The following MMRN2 variants were observed in gnomAD, a reference collection of about 807,000 sequenced individuals.
MMRN2 encodes the protein multimerin 2.
MMRN2 carries 53 observed loss-of-function variants against 68.8 expected under a neutral mutation model. That is an observed-to-expected ratio of 0.77 (90% CI 0.62 to 0.97). MMRN2 has a LOEUF of 0.97. Ranked by LOEUF, MMRN2 falls within the 50% of genes least tolerant of loss-of-function variation. The probability of loss-of-function intolerance (pLI) is 0.00; values close to 1 mark genes in which losing one functional copy is unlikely to be tolerated. For synonymous variants in MMRN2, 564 were observed against 551.6 expected (o/e 1.02, Z -0.32); for missense variants, 1,266 against 1,259.5 (o/e 1.01, Z -0.08).
rs768843742 is a variant in MMRN2 at position 86,943,210 on chromosome 10, C to T, written c.1574G>A (p.Arg525Gln). The change falls in exon 6 of 7, where the codon CGG becomes CAG. Residue 525 changes from arginine (R) to glutamine (Q), a missense_variant. Arg to Gln is a conservative substitution (Grantham distance 43). Transcript: ENST00000372027. This position sits in a 1 kb window ranked among gnomAD's most constrained non-coding sequence, Gnocchi z 4.2. ...CAGGGAGGAGCCGTCCAGCTGCCGCCGCTCGTCCAGGCTCACCTGGGTCTC... is the reference window on the plus strand; with the variant it reads ...CAGGGAGGAGCCGTCCAGCTGCCGCTGCTCGTCCAGGCTCACCTGGGTCTC... ...LEETQVSLDE[R>Q]RQLDGSSLQA... 25 of 1,609,744 alleles carry T rather than the reference C, an allele frequency of 1.6e-5. No individual in the cohort carries two copies. Among genetic ancestry groups the T allele is most frequent in the Admixed American group, 6.7e-5 (4 of 59,922 alleles).
intron 4 of MMRN2, 139 bp from the exon 5 acceptor site, chr10:86,944,574 T>C (rs1419371535): frequency 1.1e-6 from 1 of 915,848 alleles, no homozygotes; most frequent in Admixed American, 2.8e-5. Context: ...TTAGAAGCCT[T>C]AAACCCCTGG....
intron 1 of MMRN2, among the ~76,000 whole-genome samples, chr10:86,954,822 C>G (rs115391658): frequency 1.1e-5 from 1 of 92,114 alleles, no homozygotes; most frequent in Non-Finnish European, 2.2e-5. Flanking sequence ...GCTCTGTGCC[C>G]GGCAGGGGTC....
At chr10:86,944,543 T>C (rs1354926834) in intron 4 of MMRN2, 108 bp from the exon 5 acceptor site, 1 of 1,231,792 alleles carries the variant, frequency 8.1e-7, no homozygotes, top group South Asian at 1.3e-5. Context: ...AGTTAGCTGC[T>C]GATGTCCTCT....
intron 6 of MMRN2, among the ~76,000 whole-genome samples, chr10:86,938,578 C>A (rs921715192): frequency 6.6e-6 from 1 of 152,220 alleles, no homozygotes; most frequent in African/African-American, 2.4e-5. Flanking sequence ...TGGGTCCTGG[C>A]TGTGACACTG....
intron 4 of MMRN2, 144 bp downstream of exon 4, chr10:86,945,044 G>T: frequency 1.5e-6 from 1 of 685,368 alleles, no homozygotes; most frequent in Non-Finnish European, 2.4e-6. Context: ...AAGGTGGGAG[G>T]TGGTACAGGC....
intron 1 of MMRN2, chr10:86,948,801 A>T (rs1041746039): frequency 3.3e-5 from 5 of 152,196 alleles, no homozygotes; most frequent in African/African-American, 1.2e-4. Context: ...CAAAAAAATT[A>T]AAAAATTAGC....
chr10:86,955,518 T>C (rs937763710), intron 1 of MMRN2, among the ~76,000 whole-genome samples: 3 of 152,112 alleles, frequency 2.0e-5, no homozygotes, highest in African/African-American at 7.2e-5. Context: ...TGGAAACAGA[T>C]GTAAGTGGCA....
intron 4 of MMRN2, 140 bp from the exon 5 acceptor site, chr10:86,944,575 A>G: frequency 1.1e-6 from 1 of 898,900 alleles, no homozygotes; most frequent in Non-Finnish European, 1.7e-6. Context: ...TAGAAGCCTT[A>G]AACCCCTGGA....
intron 6 of MMRN2, among the ~76,000 whole-genome samples, chr10:86,941,909 C>A (rs1843976313): frequency 6.6e-6 from 1 of 151,210 alleles, no homozygotes; most frequent in Admixed American, 6.6e-5. Flanking sequence ...AGTCCCTATC[C>A]ACATTCTTCC....
At position 86,943,038 on chromosome 10, in the gene MMRN2, C is replaced by T. The variant is rs1270601866; in HGVS notation, c.1746G>A (p.Ala582=). Residue 582 remains alanine (A), a synonymous_variant, in exon 6 of 7, where the codon GCG becomes GCA. Coordinates refer to ENST00000372027, the MANE Select transcript of MMRN2 (RefSeq NM_024756.3). The surrounding 1 kb of genome is among the most constrained non-coding windows in gnomAD (Gnocchi z 4.2). ...GGCGCACCTCGTGGCGGGCCTCGGC[C>T]GCGGCCGCCTTCAGCGCGCCCACCT... The part of the protein sequence containing the change: ...DDEVGALKAA[A]AEARHEVRQL... 3.7e-6 allele frequency: 5 copies of T among 1,353,512 alleles called. No individual in the cohort carries two copies. Among genetic ancestry groups the T allele is most frequent in the Non-Finnish European group, 4.7e-6 (5 of 1,056,012 alleles). 83.8% of individuals were successfully genotyped at this position (1,353,512 alleles called of 1,614,324 possible).
chr10:86,956,675 A>C (rs1242611003), intron 1 of MMRN2, among the ~76,000 whole-genome samples: 1 of 152,148 alleles, frequency 6.6e-6, no homozygotes. Flanking sequence ...TGTTGGAGGG[A>C]TGAACTGAGA....
At chr10:86,945,516 G>A (rs767512070) in intron 2 of MMRN2, 40 bp from the exon 3 acceptor site, 18 of 1,560,332 alleles carry the variant, frequency 1.2e-5, no homozygotes, top group Non-Finnish European at 1.6e-5. Flanking sequence ...TTCCAGGGAG[G>A]GCCCGCTCCA....
Position 86,943,019 on chromosome 10 carries a change from C to A in MMRN2, c.1765G>T (p.Val589Leu). The change falls in exon 6 of 7, where the codon GTG becomes TTG. Residue 589 changes from valine to leucine, a missense_variant. Transcript: ENST00000372027. The surrounding 1 kb of genome is among the most constrained non-coding windows in gnomAD (Gnocchi z 4.2). ...GCGAAGGCGCTGTGCAGCTGGCGCA[C>A]CTCGTGGCGGGCCTCGGCCGCGGCC... ...KAAAAEARHE[V>L]RQLHSAFAAL... 1 of 1,375,106 alleles carries A rather than the reference C, an allele frequency of 7.3e-7. No individual in the cohort carries two copies. The highest frequency in any genetic ancestry group is 9.4e-7 in the Non-Finnish European group (1 of 1,065,296). The allele number at this position is 1,375,106 out of a possible 1,614,324, so 85.2% of individuals were successfully genotyped here.
chr10:86,942,602 C>A lies in MMRN2; in HGVS notation c.2182G>T (p.Ala728Ser), dbSNP rs200709835. 29 of 1,608,076 alleles carry A rather than the reference C, an allele frequency of 1.8e-5. No individual in the cohort carries two copies. The African/African-American group carries it at 3.5e-4, about 19-fold the overall frequency. The change falls in exon 6 of 7, where the codon GCC (alanine) becomes TCC (serine). Residue 728 changes from alanine to serine, a missense_variant. Physicochemically the swap from Ala to Ser is moderately conservative, Grantham distance 99 (BLOSUM62 1). Transcript: ENST00000372027. ...EAGAGAASLN[A>S]SLHGLHNALF... ...GCGTTGTGGAGGCCGTGAAGGGAGG[C>A]GTTGAGGGAGGCGGCCCCGGCCCCG... is the stretch of plus-strand genomic sequence containing the variant.
intron 1 of MMRN2, among the ~76,000 whole-genome samples, chr10:86,948,119 A>G (rs1844094453): frequency 6.6e-6 from 1 of 151,416 alleles, no homozygotes; most frequent in African/African-American, 2.4e-5. Context: ...CCAGCTATTC[A>G]GGAGGCTGAG....
chr10:86,942,596 G>A lies in MMRN2; in HGVS notation c.2188C>T (p.Leu730Phe), dbSNP rs1357673791. ...GAGAASLNAS[L>F]HGLHNALFAT... ...AAGAGTGCGTTGTGGAGGCCGTGAA[G>A]GGAGGCGTTGAGGGAGGCGGCCCCG... The change falls in exon 6 of 7, where the codon CTT (leucine) becomes TTT (phenylalanine). Residue 730 changes from leucine (L) to phenylalanine (F), a missense_variant. Coordinates refer to ENST00000372027, the MANE Select transcript of MMRN2 (RefSeq NM_024756.3). 9.3e-6 allele frequency: 15 copies of A among 1,608,674 alleles called. No homozygotes were observed. The highest frequency in any genetic ancestry group is 7.7e-5 in the South Asian group (7 of 91,036).
chr10:86,951,509 A>G (rs968993879), intron 1 of MMRN2, among the ~76,000 whole-genome samples: 7 of 152,358 alleles, frequency 4.6e-5, no homozygotes, highest in Middle Eastern at 3.4e-3. Flanking sequence ...TCCAGGCCAC[A>G]TGAACTCTGT....
Position 86,942,768 on chromosome 10 carries a change from C to A in MMRN2, c.2016G>T (p.Pro672=). 8.0e-6 allele frequency: 11 copies of A among 1,371,800 alleles called. No individual in the cohort carries two copies. Among genetic ancestry groups the A allele is most frequent in the Middle Eastern group, 2.3e-4 (1 of 4,380 alleles). The allele number at this position is 1,371,800 out of a possible 1,614,324, so 85.0% of individuals were successfully genotyped here. ...TGGGCTCCAGGTGCTCTGCCGGCCG[C>A]GGGGGCTCCGAGGCCTGCTCCAGGG... The part of the protein sequence containing the change: ...VTALEQASEP[P]RPAEHLEPSH... Residue 672 remains proline, a synonymous_variant, in exon 6 of 7, where the codon CCG becomes CCT. Transcript: ENST00000372027.
chr10:86,938,389 G>A (rs1843909981), intron 6 of MMRN2, among the ~76,000 whole-genome samples: 1 of 152,234 alleles, frequency 6.6e-6, no homozygotes, highest in Non-Finnish European at 1.5e-5. Flanking sequence ...CCAGCCTTAG[G>A]ACAGGAACAC....
Sources: gnomAD v4.1 joint callset for allele counts (sites outside exome capture counted in the v4.1 genomes callset) on GRCh38, gnomAD v4.1.1 for gene constraint, Gnocchi (gnomAD v3.1) non-coding constraint, MANE v1.5 for transcripts, NCBI Gene and HGNC (gene_info 2026-07-23, HGNC 2026-07-21) for gene names.